CYTH2: variants seen among roughly 807,000 people sequenced by gnomAD.
The protein encoded by CYTH2 is cytohesin 2.
A neutral mutation model predicts 55.4 loss-of-function variants in CYTH2; 24 were observed. That is an observed-to-expected ratio of 0.43 (90% CI 0.31 to 0.61). The LOEUF (loss-of-function observed/expected upper bound fraction) is 0.61, where lower values mean the gene tolerates loss of function less well. CYTH2 is among the 20% of genes least tolerant of loss of function. The probability of loss-of-function intolerance (pLI) is 0.08; values close to 1 mark genes in which losing one functional copy is unlikely to be tolerated. For missense variants in CYTH2, 378 were observed against 533.5 expected (o/e 0.71, Z 2.87); for synonymous variants, 221 against 209.6 (o/e 1.05, Z -0.47).
At position 48,474,342 on chromosome 19, in the gene CYTH2, TTCCCTGCCCCTCA is replaced by T. The variant is rs1971866488; in HGVS notation, c.696+13_696+25del. 1 of 1,560,428 alleles carries T rather than the reference TTCCCTGCCCCTCA, an allele frequency of 6.4e-7. No individual in the cohort carries two copies. Among genetic ancestry groups the T allele is most frequent in the African/African-American group, 1.4e-5 (1 of 71,194 alleles). The stretch of plus-strand genomic sequence containing the variant: ...AGGAGCTGCTCAGGGTCAGTCCCCC[TTCCCTGCCCCTCA>T]GCCCTGCCCCTCTTCCTGCCACAGA... On this transcript the variant is annotated intron_variant, in intron 7 of 11. Coordinates refer to ENST00000452733, the MANE Select transcript of CYTH2 (RefSeq NM_004228.7). This position sits in a 1 kb window ranked among gnomAD's most constrained non-coding sequence, Gnocchi z 4.9.
chr19:48,474,448 C>T lies in CYTH2; in HGVS notation c.696+118C>T. The T allele has an allele frequency of 9.3e-7, 1 of 1,073,504 alleles. No homozygotes were observed. Among genetic ancestry groups the T allele is most frequent in the East Asian group, 2.7e-5 (1 of 37,550 alleles). The allele number at this position is 1,073,504 out of a possible 1,614,324, so 66.5% of individuals were successfully genotyped here. A position where few individuals can be genotyped will look rare whatever the true frequency, so the allele number is the denominator to read the frequency against. Reference sequence around the variant, plus strand: ...GCCCTCACCCCCAAGATGGTGCGATCATGCCAACTCGTGTGTGATCTTTTT... The same window carrying T: ...GCCCTCACCCCCAAGATGGTGCGATTATGCCAACTCGTGTGTGATCTTTTT... On this transcript the variant is annotated intron_variant, in intron 7 of 11. Coordinates refer to ENST00000452733, the MANE Select transcript of CYTH2 (RefSeq NM_004228.7). This position sits in a 1 kb window ranked among gnomAD's most constrained non-coding sequence, Gnocchi z 4.9.
intron 5 of CYTH2, chr19:48,473,646 C>G (rs144646394): frequency 3.4e-6 from 2 of 595,148 alleles, no homozygotes; most frequent in Non-Finnish European, 6.0e-6. Flanking sequence ...TCTGCAGACC[C>G]GCTTACCTGA....
At position 48,481,115 on chromosome 19, in the gene CYTH2, T is replaced by C. The variant is rs889977657; in HGVS notation, c.*1905T>C. ...CCCTGGCTGCTTCAGGGAGAATAAT[T>C]TGGAGGCGAGCGGGGAGGTGAGAGG... is the stretch of plus-strand genomic sequence containing the variant. On this transcript the variant is annotated 3_prime_UTR_variant, in exon 12 of 12. Transcript: ENST00000452733. The C allele has an allele frequency of 1.3e-5, 2 of 152,936 alleles. No homozygotes were observed. The highest frequency in any genetic ancestry group is 4.8e-5 in the African/African-American group (2 of 41,400). 9.5% of individuals were successfully genotyped at this position (152,936 alleles called of 1,614,324 possible).
In CYTH2 at chr19:48,481,917, C is replaced by T. The variant is rs906569078; in HGVS notation, c.*2707C>T. The T allele has an allele frequency of 2.9e-5, 1 of 34,634 alleles. No homozygotes were observed. The highest frequency in any genetic ancestry group is 1.4e-4 in the African/African-American group (1 of 7,358). The allele number at this position is 34,634 out of a possible 1,614,324, so 2.1% of individuals were successfully genotyped here. ...TGTGGCAGGTGTTGGGATGTGGGGC[C>T]TCATAAGGAGCTGTGTGGTCTTGGA... On this transcript the variant is annotated 3_prime_UTR_variant, in exon 12 of 12. Coordinates refer to ENST00000452733, the MANE Select transcript of CYTH2 (RefSeq NM_004228.7).
intron 8 of CYTH2, chr19:48,477,356 C>T (rs1601027046): frequency 6.6e-6 from 1 of 152,388 alleles, no homozygotes; most frequent in Admixed American, 6.5e-5. Context: ...GGCACTTTTA[C>T]CATGTCAAGG....
At chr19:48,477,710 GC>G in intron 8 of CYTH2, 1 of 267,210 alleles carries the variant, frequency 3.7e-6, no homozygotes, top group Non-Finnish European at 7.2e-6. Flanking sequence ...CTCGCTGTCT[GC>G]CCCAGGAGGT....
At chr19:48,470,152 C>T (rs949680513) in intron 1 of CYTH2, 10 of 863,856 alleles carry the variant, frequency 1.2e-5, no homozygotes, top group African/African-American at 8.5e-5. Flanking sequence ...CCCCAATTCC[C>T]CTTGTCCCCC....
chr19:48,473,971 C>T lies in CYTH2; in HGVS notation c.501C>T (p.Phe167=), dbSNP rs754455899. ...AAATTGACCGGATGATGGAGGCCTT[C>T]GCCCAGCGATACTGCCTGTGCAACC... ...AQKIDRMMEA[F]AQRYCLCNPG... Residue 167 remains phenylalanine, a synonymous_variant, in exon 6 of 12, where the codon TTC becomes TTT. Coordinates refer to ENST00000452733, the MANE Select transcript of CYTH2 (RefSeq NM_004228.7). 21 of 1,613,732 alleles carry T rather than the reference C, an allele frequency of 1.3e-5. No homozygotes were observed. The highest frequency in any genetic ancestry group is 3.3e-5 in the Admixed American group (2 of 59,928).
rs750179767 is a variant in CYTH2, at chr19:48,478,533, G to A, written c.1053G>A (p.Met351Ile). The change falls in exon 11 of 12, where the codon ATG becomes ATA. Residue 351 changes from methionine (M) to isoleucine (I), a missense_variant. Transcript: ENST00000452733. ...GCCGAGTGGTGGAGGGAAACCACATGGTGTACCGGATCTCGGCCCCCACGC... is the reference window on the plus strand; with the variant it reads ...GCCGAGTGGTGGAGGGAAACCACATAGTGTACCGGATCTCGGCCCCCACGC... The part of the protein sequence containing the change: ...ADGRVVEGNH[M>I]VYRISAPTQE... The A allele has an allele frequency of 6.2e-7, 1 of 1,614,028 alleles. No individual in the cohort carries two copies. Among genetic ancestry groups the A allele is most frequent in the South Asian group, 1.1e-5 (1 of 91,084 alleles).
chr19:48,469,727 G>A (rs1311679233), intron 1 of CYTH2: 2 of 868,660 alleles, frequency 2.3e-6, no homozygotes, highest in South Asian at 1.8e-5. Flanking sequence ...TGTTTGGGCT[G>A]AGCCTGTTTC....
At position 48,478,107 on chromosome 19, in the gene CYTH2, C is replaced by T; in HGVS notation, c.847C>T (p.Leu283Phe). Reference sequence around the variant, plus strand: ...GACGTGGAAGCGGCGCTGGTTTATCCTCACAGACAACTGCCTCTACTACTT... The same window carrying T: ...GACGTGGAAGCGGCGCTGGTTTATCTTCACAGACAACTGCCTCTACTACTT... ...VKTWKRRWFI[L>F]TDNCLYYFEY... The change falls in exon 9 of 12, where the codon CTC becomes TTC. Residue 283 changes from leucine (L) to phenylalanine (F), a missense_variant. Physicochemically the swap from Leu to Phe is conservative, Grantham distance 22 (BLOSUM62 0). Transcript: ENST00000452733. The T allele has an allele frequency of 6.2e-7, 1 of 1,614,170 alleles. No individual in the cohort carries two copies. The highest frequency in any genetic ancestry group is 8.5e-7 in the Non-Finnish European group (1 of 1,180,012).
chr19:48,476,318 T>C, intron 8 of CYTH2: 1 of 211,500 alleles, frequency 4.7e-6, no homozygotes, highest in South Asian at 5.5e-5. Context: ...TGTGGGAGGA[T>C]TGTTTGAGCT....
In CYTH2 at chr19:48,479,298, C is replaced by G; in HGVS notation, c.*88C>G. Reference sequence around the variant, plus strand: ...GGCCTTGGGGCTGTGGATCCTGGTTCCCTGTTTGGAAAATTCACCACCTCT... The same window carrying G: ...GGCCTTGGGGCTGTGGATCCTGGTTGCCTGTTTGGAAAATTCACCACCTCT... On this transcript the variant is annotated 3_prime_UTR_variant, in exon 12 of 12. Transcript: ENST00000452733. The G allele has an allele frequency of 7.0e-7, 1 of 1,420,576 alleles. No individual in the cohort carries two copies. Among genetic ancestry groups the G allele is most frequent in the East Asian group, 2.3e-5 (1 of 43,196 alleles). The allele number at this position is 1,420,576 out of a possible 1,614,324, so 88.0% of individuals were successfully genotyped here.
intron 3 of CYTH2, among the ~76,000 whole-genome samples, chr19:48,471,715 A>G (rs1164987220): frequency 1.3e-5 from 2 of 152,220 alleles, no homozygotes; most frequent in Non-Finnish European, 2.9e-5. Flanking sequence ...TTGTCACGTT[A>G]TTCTTTCCTG....
At chr19:48,475,787 G>A (rs934449233) in intron 8 of CYTH2, 1 of 221,712 alleles carries the variant, frequency 4.5e-6, no homozygotes, top group Non-Finnish European at 9.5e-6. Context: ...AGCTCCTCGG[G>A]TGCTCCCAAT....
At chr19:48,472,150 A>C (rs913560755) in intron 3 of CYTH2, among the ~76,000 whole-genome samples, 175 bp from the exon 4 acceptor site, 1 of 152,222 alleles carries the variant, frequency 6.6e-6, no homozygotes, top group Non-Finnish European at 1.5e-5. Context: ...TAGGCCATGA[A>C]GTGCAAAGGC....
At chr19:48,475,200 C>G in intron 8 of CYTH2, 1 of 491,808 alleles carries the variant, frequency 2.0e-6, no homozygotes, top group Non-Finnish European at 3.6e-6. Context: ...CCTTCTGTGC[C>G]AGGCCCTGAG....
In CYTH2 at chr19:48,474,992, AT is replaced by A; in HGVS notation, c.808+46del. On this transcript the variant is annotated intron_variant, in intron 8 of 11. Transcript: ENST00000452733. This position sits in a 1 kb window ranked among gnomAD's most constrained non-coding sequence, Gnocchi z 4.9. Reference sequence around the variant, plus strand: ...CCCGCTGGTCCCTCCGCAGGAGGACATTTGTGGGCCTGGGCCCTGGACTCAG... The same window carrying A: ...CCCGCTGGTCCCTCCGCAGGAGGACATTGTGGGCCTGGGCCCTGGACTCAG... 1 of 1,573,568 alleles carries A rather than the reference AT, an allele frequency of 6.4e-7. No individual in the cohort carries two copies. The highest frequency in any genetic ancestry group is 8.7e-7 in the Non-Finnish European group (1 of 1,147,996).
In CYTH2 at chr19:48,473,988, T is replaced by A; in HGVS notation, c.518T>A (p.Leu173Gln). 1 of 1,613,306 alleles carries A rather than the reference T, an allele frequency of 6.2e-7. No homozygotes were observed. Among genetic ancestry groups the A allele is most frequent in the Non-Finnish European group, 8.5e-7 (1 of 1,179,642 alleles). ...MMEAFAQRYC[L>Q]CNPGVFQSTD... is the part of the protein sequence containing the mutation. The stretch of plus-strand genomic sequence containing the variant: ...GAGGCCTTCGCCCAGCGATACTGCC[T>A]GTGCAACCCTGGGGTTTTCCAGTCC... The change falls in exon 6 of 12, where the codon CTG becomes CAG. Residue 173 changes from leucine to glutamine, a missense_variant. Leu to Gln is a moderately radical substitution (Grantham distance 113). Coordinates refer to ENST00000452733, the MANE Select transcript of CYTH2 (RefSeq NM_004228.7).
Sources: allele counts gnomAD v4.1 joint callset (sites outside exome capture counted in the v4.1 genomes callset), GRCh38; gene constraint gnomAD v4.1.1; non-coding constraint Gnocchi (gnomAD v3.1); transcripts MANE v1.5; gene names NCBI Gene and HGNC (gene_info 2026-07-23, HGNC 2026-07-21).